NFATC2: variants seen among roughly 807,000 people sequenced by gnomAD.
NFATC2 encodes nuclear factor of activated T-cells, cytoplasmic 2.
In NFATC2, 22 loss-of-function variants were observed where a neutral mutation model predicts 87.3. That is an observed-to-expected ratio of 0.25 (90% CI 0.18 to 0.36). The LOEUF (loss-of-function observed/expected upper bound fraction) is 0.36, where lower values mean the gene tolerates loss of function less well. Ranked by LOEUF, NFATC2 falls within the 10% of genes least tolerant of loss-of-function variation. NFATC2 has a pLI of 1.00. For synonymous variants in NFATC2, 565 were observed against 542.2 expected (o/e 1.04, Z -0.58); for missense variants, 1,149 against 1,259.1 (o/e 0.91, Z 1.32).
At chr20:51,542,823 G>A (rs1424448289), upstream of NFATC2, 7 of 710,476 alleles carry the variant, frequency 9.9e-6, no homozygotes, top group Non-Finnish European at 1.0e-5. Flanking sequence ...CAGGGGACCG[G>A]AGGGGAGGGG....
intron 9 of NFATC2, among the ~76,000 whole-genome samples, chr20:51,407,578 A>G (rs6096413): frequency 0.93 from 141,663 of 152,280 alleles, 66,026 homozygotes; most frequent in African/African-American, 0.98. Flanking sequence ...ATCACGCTTC[A>G]TGGTCACAAA....
intron 6 of NFATC2, among the ~76,000 whole-genome samples, chr20:51,447,415 A>T (rs1014220937): frequency 6.6e-6 from 1 of 152,234 alleles, no homozygotes; most frequent in African/African-American, 2.4e-5. Context: ...ACACAGAGCC[A>T]GGGAGCTAGT....
At chr20:51,508,749 G>A (rs544109961) in intron 3 of NFATC2, among the ~76,000 whole-genome samples, 11 of 152,252 alleles carry the variant, frequency 7.2e-5, no homozygotes, top group Admixed American at 5.9e-4. Context: ...CAGACAGACA[G>A]ATGCCACCCC....
chr20:51,465,058 T>C (rs1415414159), intron 5 of NFATC2, among the ~76,000 whole-genome samples: 2 of 152,230 alleles, frequency 1.3e-5, no homozygotes, highest in African/African-American at 4.8e-5. Flanking sequence ...GATTAGCACC[T>C]ACTATGTGCT....
chr20:51,542,379 G>T lies in NFATC2; in HGVS notation c.121C>A (p.Pro41Thr). ...SILFDYEYLN[P>T]NEEEPNAHKV... is the part of the protein sequence containing the mutation. The stretch of plus-strand genomic sequence containing the variant: ...GGTAGCCTCCACCGACCTTCGTTCG[G>T]ATTCAAATACTCATAGTCGAAGAGG... Residue 41 changes from proline (P) to threonine (T), a missense_variant, in exon 1 of 11, where the codon CCG becomes ACG. Coordinates refer to ENST00000371564, the MANE Select transcript of NFATC2 (RefSeq NM_012340.5). The T allele has an allele frequency of 6.2e-7, 1 of 1,607,628 alleles. No homozygotes were observed. The highest frequency in any genetic ancestry group is 8.5e-7 in the Non-Finnish European group (1 of 1,176,826).
chr20:51,499,444 GAGAA>G (rs2076043908), intron 3 of NFATC2, among the ~76,000 whole-genome samples: 1 of 152,154 alleles, frequency 6.6e-6, no homozygotes, highest in African/African-American at 2.4e-5. Flanking sequence ...AGATGAGAAA[GAGAA>G]AGAGATTCAA....
Position 51,399,278 on chromosome 20 carries a change from C to T in NFATC2, c.2723-548G>A, listed in dbSNP as rs75453073. ...AAAAGCTCCTGCCCTATCAGAACAA[C>T]GAAGGCACTTGAATGAGACCTGGGG... On this transcript the variant is annotated intron_variant, in intron 9 of 10. Coordinates refer to ENST00000371564, the MANE Select transcript of NFATC2 (RefSeq NM_012340.5). 918 of 153,708 alleles carry T rather than the reference C, an allele frequency of 6.0e-3. 6 individuals carry two copies. The highest frequency in any genetic ancestry group is 0.021 in the African/African-American group (864 of 41,532). The allele number at this position is 153,708 out of a possible 1,614,324, so 9.5% of individuals were successfully genotyped here. A position where few individuals can be genotyped will look rare whatever the true frequency, so the allele number is the denominator to read the frequency against.
intron 5 of NFATC2, among the ~76,000 whole-genome samples, chr20:51,456,608 C>T (rs1259831756): frequency 1.3e-5 from 2 of 152,246 alleles, no homozygotes; most frequent in Non-Finnish European, 2.9e-5. Context: ...TCTCTCCTTC[C>T]AGCGTGGGCC....
intron 5 of NFATC2, among the ~76,000 whole-genome samples, chr20:51,465,636 A>T (rs1177935023): frequency 6.6e-6 from 1 of 152,050 alleles, no homozygotes; most frequent in Non-Finnish European, 1.5e-5. Flanking sequence ...GTCCTGGTGA[A>T]CAAGCTCCAT....
At chr20:51,398,847 G>A in intron 9 of NFATC2, 117 bp from the exon 10 acceptor site, 1 of 725,906 alleles carries the variant, frequency 1.4e-6, no homozygotes, top group South Asian at 1.6e-5. Flanking sequence ...TTAACCCTTT[G>A]GCTCTAGTTT....
rs747260467 is a variant in NFATC2 at position 51,398,638 on chromosome 20, ATTACCT to A, written c.*43_*44+4del. On this transcript the variant is annotated splice_donor_variant and splice_donor_region_variant and 3_prime_UTR_variant and intron_variant, in exon 10 of 11. Coordinates refer to ENST00000371564, the MANE Select transcript of NFATC2 (RefSeq NM_012340.5). LOFTEE classifies it low-confidence loss of function (3UTR_SPLICE). ...ACAAAAGGAGAAGCAGAAGATATCG[ATTACCT>A]TTAACTTTGATTTCTCGGATCAAAG... The A allele has an allele frequency of 1.1e-5, 18 of 1,587,772 alleles. No individual in the cohort carries two copies. Among genetic ancestry groups the A allele is most frequent in the Non-Finnish European group, 1.4e-5 (16 of 1,165,602 alleles).
At chr20:51,459,501 C>T (rs565450896) in intron 5 of NFATC2, among the ~76,000 whole-genome samples, 25 of 152,234 alleles carry the variant, frequency 1.6e-4, no homozygotes, top group East Asian at 9.7e-4. Flanking sequence ...TCACTCTGTC[C>T]GGGTCCAAGT....
intron 9 of NFATC2, among the ~76,000 whole-genome samples, chr20:51,406,773 CATCTT>C (rs916251716): frequency 1.8e-4 from 28 of 152,310 alleles, no homozygotes; most frequent in African/African-American, 6.5e-4. Flanking sequence ...GAGGGTGTGA[CATCTT>C]AGCTCCATAG....
intron 6 of NFATC2, among the ~76,000 whole-genome samples, chr20:51,444,398 T>C (rs1984781596): frequency 6.6e-6 from 1 of 151,896 alleles, no homozygotes; most frequent in South Asian, 2.1e-4. Flanking sequence ...ATGGCCCCTA[T>C]ACTTTCGTTG....
intron 3 of NFATC2, among the ~76,000 whole-genome samples, chr20:51,516,454 A>T (rs896309680): frequency 2.0e-5 from 3 of 152,206 alleles, no homozygotes; most frequent in Non-Finnish European, 2.9e-5. Flanking sequence ...TTCATCTGAA[A>T]CTTAAGGTGA....
chr20:51,540,800 G>A (rs901638145), intron 1 of NFATC2, among the ~76,000 whole-genome samples: 3 of 151,536 alleles, frequency 2.0e-5, no homozygotes, highest in Non-Finnish European at 4.4e-5. Context: ...CTATTTCCCC[G>A]GAAATCCCCC....
intron 1 of NFATC2, among the ~76,000 whole-genome samples, chr20:51,528,454 C>T (rs6013208): frequency 6.6e-6 from 1 of 152,092 alleles, no homozygotes; most frequent in Non-Finnish European, 1.5e-5. Context: ...CAGATTACAC[C>T]TGCACATATA....
chr20:51,457,634 C>CAGTAAGAGTCTAATCCAGCTGCCTGG (rs34060437), intron 5 of NFATC2, among the ~76,000 whole-genome samples: 1 of 151,186 alleles, frequency 6.6e-6, no homozygotes, highest in Admixed American at 6.6e-5. Flanking sequence ...AAAGAGAAAA[C>CAGTAAGAGTCTAATCCAGCTGCCTGG]ACGCCTTTAG....
intron 3 of NFATC2, among the ~76,000 whole-genome samples, chr20:51,494,263 TAA>T (rs1453730483): frequency 1.3e-5 from 2 of 152,112 alleles, no homozygotes. Context: ...TCAGAGAGGC[TAA>T]GTCAGCTGCC....
Sources: gnomAD v4.1 joint callset for allele counts (sites outside exome capture counted in the v4.1 genomes callset) on GRCh38, gnomAD v4.1.1 for gene constraint, MANE v1.5 for transcripts, NCBI Gene and HGNC (gene_info 2026-07-23, HGNC 2026-07-21) for gene names.